Variants in PCNX1 observed in about 807,000 individuals in gnomAD.
PCNX1 encodes pecanex 1, also known as pecanex-like protein 1.
A neutral mutation model predicts 242.2 loss-of-function variants in PCNX1; 78 were observed. The observed-to-expected ratio is 0.32, with a 90% CI of 0.27 to 0.39. PCNX1 has a LOEUF of 0.39. Among genes scored for constraint, PCNX1 ranks in the 10% least tolerant of loss-of-function variants. PCNX1 has a pLI of 1.00. For missense variants in PCNX1, 2,581 were observed against 2,856.5 expected (o/e 0.90, Z 2.20); for synonymous variants, 1,024 against 1,032.9 (o/e 0.99, Z 0.17).
chr14:71,005,268 T>C (rs2059620403), intron 8 of PCNX1, among the ~76,000 whole-genome samples: 1 of 152,100 alleles, frequency 6.6e-6, no homozygotes, highest in Non-Finnish European at 1.5e-5. Context: ...GTTGGGAGGC[T>C]GAGGCAGGAG....
At chr14:70,994,413 A>G (rs890690153) in intron 7 of PCNX1, among the ~76,000 whole-genome samples, 2 of 128,832 alleles carry the variant, frequency 1.6e-5, no homozygotes, top group African/African-American at 5.8e-5. Context: ...ATATATATAT[A>G]TATATATATA....
chr14:70,920,289 T>C (rs768541769), intron 1 of PCNX1, among the ~76,000 whole-genome samples: 5 of 152,132 alleles, frequency 3.3e-5, no homozygotes, highest in Non-Finnish European at 5.9e-5. Flanking sequence ...ACTATACACT[T>C]TATTTGGATT....
intron 2 of PCNX1, among the ~76,000 whole-genome samples, chr14:70,955,948 G>C (rs2057976796): frequency 6.6e-6 from 1 of 151,000 alleles, no homozygotes; most frequent in Admixed American, 6.6e-5. Context: ...ACACATTGTT[G>C]TTTGTTGACC....
At chr14:71,047,667 C>T in intron 21 of PCNX1, 140 bp from the exon 22 acceptor site, 1 of 602,994 alleles carries the variant, frequency 1.7e-6, no homozygotes, top group East Asian at 2.8e-5. Context: ...ATTTACCTAG[C>T]TCTATACATC....
chr14:71,025,908 C>G (rs1453189175), intron 13 of PCNX1, among the ~76,000 whole-genome samples: 1 of 152,056 alleles, frequency 6.6e-6, no homozygotes, highest in Non-Finnish European at 1.5e-5. Context: ...AAATTTCACA[C>G]TGATATTTCT....
At chr14:71,003,244 C>T (rs1378672435) in intron 8 of PCNX1, among the ~76,000 whole-genome samples, 1 of 151,824 alleles carries the variant, frequency 6.6e-6, no homozygotes, top group African/African-American at 2.4e-5. Flanking sequence ...CCACCGTGCC[C>T]AGCTATTTTT....
intron 25 of PCNX1, among the ~76,000 whole-genome samples, chr14:71,056,734 A>G (rs1015559089): frequency 2.6e-5 from 4 of 150,978 alleles, no homozygotes; most frequent in Non-Finnish European, 4.4e-5. Context: ...GCTGGAGTGC[A>G]GTGGCACAGT....
At chr14:70,989,880 A>G (rs940282587) in intron 7 of PCNX1, among the ~76,000 whole-genome samples, 1 of 152,244 alleles carries the variant, frequency 6.6e-6, no homozygotes, top group African/African-American at 2.4e-5. Flanking sequence ...AGCAGTGCAT[A>G]TATTATACAA....
intron 31 of PCNX1, 49 bp downstream of exon 31, chr14:71,102,269 CTT>C (rs1172964681): frequency 1.4e-6 from 2 of 1,448,310 alleles, no homozygotes; most frequent in Non-Finnish European, 1.9e-6. Flanking sequence ...AGTTGAATAA[CTT>C]GATCTAAAAT....
Position 71,099,532 on chromosome 14 carries a change from G to A in PCNX1, c.5590-2458G>A, listed in dbSNP as rs181457826. Among the ~76,000 whole-genome samples, 224 of 151,842 alleles carry A rather than the reference G, an allele frequency of 1.5e-3. 4 individuals are homozygous for A. The highest frequency in any genetic ancestry group is 7.7e-4 in the East Asian group (4 of 5,174). On this transcript the variant is annotated intron_variant, in intron 30 of 35. Transcript: ENST00000304743. ...GTCGATCATAGGGTATGTTCTGTGT[G>A]CAGATAAAAATAATGTATAGTCTGT...
chr14:70,948,686 T>C (rs1041057291), intron 2 of PCNX1, among the ~76,000 whole-genome samples: 2 of 149,780 alleles, frequency 1.3e-5, no homozygotes, highest in Non-Finnish European at 3.0e-5. Flanking sequence ...GATGTGTATA[T>C]ATACACGTGT....
chr14:71,040,937 A>G (rs2060685881), intron 19 of PCNX1, among the ~76,000 whole-genome samples: 1 of 152,066 alleles, frequency 6.6e-6, no homozygotes, highest in African/African-American at 2.4e-5. Flanking sequence ...GAACATCTGT[A>G]CCAGGCTTAT....
chr14:70,959,017 CAAAAA>C (rs34761560), intron 2 of PCNX1, among the ~76,000 whole-genome samples: 1 of 78,170 alleles, frequency 1.3e-5, no homozygotes, highest in African/African-American at 4.5e-5. Flanking sequence ...CAGATAATAG[CAAAAA>C]AAAAAAAAAA....
At chr14:71,007,174 ACTGT>A (rs1450618840) in intron 8 of PCNX1, among the ~76,000 whole-genome samples, 1 of 151,288 alleles carries the variant, frequency 6.6e-6, no homozygotes, top group Non-Finnish European at 1.5e-5. Flanking sequence ...AATTTTTCCA[ACTGT>A]CTGTTTAGAA....
intron 2 of PCNX1, among the ~76,000 whole-genome samples, chr14:70,961,133 A>G (rs1384849562): frequency 6.6e-6 from 1 of 152,206 alleles, no homozygotes; most frequent in Non-Finnish European, 1.5e-5. Flanking sequence ...TCAACCTACC[A>G]ATGACTTTCT....
intron 30 of PCNX1, among the ~76,000 whole-genome samples, chr14:71,099,600 T>C (rs1481136215): frequency 6.6e-6 from 1 of 152,242 alleles, no homozygotes; most frequent in Non-Finnish European, 1.5e-5. Flanking sequence ...TTAGATCCAA[T>C]TGGCCAAGTG....
chr14:71,007,694 G>A (rs2059705001), intron 8 of PCNX1, among the ~76,000 whole-genome samples: 1 of 151,990 alleles, frequency 6.6e-6, no homozygotes, highest in Admixed American at 6.6e-5. Flanking sequence ...AATTATGATA[G>A]CAGCACTAAT....
chr14:71,093,951 G>A (rs2062204582), intron 30 of PCNX1: 2 of 152,128 alleles, frequency 1.3e-5, no homozygotes, highest in African/African-American at 4.8e-5. Context: ...CAAAATATGT[G>A]TTAATTGACT....
Position 71,054,492 on chromosome 14 carries a change from G to A in PCNX1, c.4578-1012G>A, listed in dbSNP as rs55932126. On this transcript the variant is annotated intron_variant, in intron 24 of 35. Coordinates refer to ENST00000304743, the MANE Select transcript of PCNX1 (RefSeq NM_014982.3). ...GTTTCCCAAATTTTAATTTTTGCTT[G>A]AAAATTTGGATTTTTATTATTGTCA... 8.6e-3 allele frequency among the ~76,000 whole-genome samples: 1,309 copies of A among 152,222 alleles called. 26 individuals are homozygous for A. The highest frequency in any genetic ancestry group is 0.03 in the African/African-American group (1,235 of 41,530).
Sources: gnomAD v4.1 joint callset for allele counts (sites outside exome capture counted in the v4.1 genomes callset) on GRCh38, gnomAD v4.1.1 for gene constraint, MANE v1.5 for transcripts, NCBI Gene and HGNC (gene_info 2026-07-23, HGNC 2026-07-21) for gene names.